Variants in CRTAC1 observed in about 807,000 individuals in gnomAD.
CRTAC1 encodes acidic secreted protein in cartilage.
A neutral mutation model predicts 67.8 loss-of-function variants in CRTAC1; 37 were observed. That is an observed-to-expected ratio of 0.55 (90% CI 0.42 to 0.72). CRTAC1 has a LOEUF of 0.72. CRTAC1 is among the 30% of genes least tolerant of loss of function. CRTAC1 has a pLI of 0.00. For missense variants in CRTAC1, 780 were observed against 931.6 expected, an observed-to-expected ratio of 0.84 and a Z score of 2.12; for synonymous variants, 348 against 371.0, an observed-to-expected ratio of 0.94 and a Z score of 0.71.
intron 14 of CRTAC1, among the ~76,000 whole-genome samples, chr10:97,878,959 C>T (rs2050177831): frequency 6.6e-6 from 1 of 152,218 alleles, no homozygotes; most frequent in Non-Finnish European, 1.5e-5. Context: ...AACCAAACCA[C>T]TGCTGGTGCC....
At chr10:97,900,706 C>T (rs959408807) in intron 8 of CRTAC1, among the ~76,000 whole-genome samples, 4 of 129,110 alleles carry the variant, frequency 3.1e-5, no homozygotes, top group Admixed American at 3.0e-4. Flanking sequence ...GACCCTGTAG[C>T]CCCTTTTCCT....
intron 13 of CRTAC1, 121 bp downstream of exon 13, chr10:97,882,665 C>T (rs976074035): frequency 3.0e-6 from 3 of 1,011,400 alleles, no homozygotes; most frequent in Non-Finnish European, 4.6e-6. Flanking sequence ...ACAAACAACA[C>T]CCTCCCCTGT....
chr10:98,013,734 T>C (rs1180247706), intron 1 of CRTAC1, among the ~76,000 whole-genome samples: 1 of 152,240 alleles, frequency 6.6e-6, no homozygotes, highest in Non-Finnish European at 1.5e-5. Context: ...AAGCTGCTTC[T>C]ATAAACTTCA....
chr10:97,865,007 T>A lies in CRTAC1; in HGVS notation c.*541A>T, dbSNP rs2050003500. On this transcript the variant is annotated 3_prime_UTR_variant, in exon 15 of 15. Transcript: ENST00000370597. ...AACCACAAACACCCAGAATCACGTGTTGACAAAGCCCAGTGAGAGGCACTT... is the reference window on the plus strand; with the variant it reads ...AACCACAAACACCCAGAATCACGTGATGACAAAGCCCAGTGAGAGGCACTT... 6.6e-6 allele frequency: 1 copy of A among 152,600 alleles called. No individual in the cohort carries two copies. Among genetic ancestry groups the A allele is most frequent in the African/African-American group, 2.4e-5 (1 of 41,454 alleles). The allele number at this position is 152,600 out of a possible 1,614,324, so 9.5% of individuals were successfully genotyped here.
intron 3 of CRTAC1, among the ~76,000 whole-genome samples, chr10:97,926,771 T>G (rs1303580357): frequency 6.6e-6 from 1 of 152,162 alleles, no homozygotes; most frequent in African/African-American, 2.4e-5. Flanking sequence ...GGTTCTGGAT[T>G]TCAGGGCTCT....
intron 8 of CRTAC1, among the ~76,000 whole-genome samples, chr10:97,898,477 G>A (rs1016685531): frequency 6.6e-6 from 1 of 152,226 alleles, no homozygotes; most frequent in African/African-American, 2.4e-5. Flanking sequence ...CAGCCTGAGG[G>A]TGAGGCCTGG....
At chr10:97,898,836 T>A (rs138838303) in intron 8 of CRTAC1, among the ~76,000 whole-genome samples, 6 of 152,322 alleles carry the variant, frequency 3.9e-5, no homozygotes, top group South Asian at 2.1e-4. Flanking sequence ...CACACCGCAG[T>A]TGGCCTAGGA....
At chr10:97,936,135 G>A in intron 3 of CRTAC1, 35 bp downstream of exon 3, 1 of 1,547,232 alleles carries the variant, frequency 6.5e-7, no homozygotes, top group Non-Finnish European at 8.8e-7. Context: ...GGGAGAAGAT[G>A]GGAAGCAGGA....
At chr10:97,993,449 A>G (rs558167585) in intron 2 of CRTAC1, among the ~76,000 whole-genome samples, 53 of 152,184 alleles carry the variant, frequency 3.5e-4, no homozygotes, top group African/African-American at 1.3e-3. Context: ...AGCAAATATG[A>G]CATTCTGCTC....
rs138313108 is a variant in CRTAC1, at chr10:97,904,670, C to T, written c.995G>A (p.Arg332Gln). The T allele has an allele frequency of 2.7e-5, 41 of 1,542,770 alleles. No individual in the cohort carries two copies. Among genetic ancestry groups the T allele is most frequent in the African/African-American group, 2.1e-4 (15 of 71,472 alleles). The part of the protein sequence containing the change: ...QMSTHGKVRF[R>Q]DIASPKFSMP... ...TCCTGGGGTGAGGCCCCTTCTTACCCGGAAGCGGACCTTCCCATGGGTGCT... is the reference window on the plus strand; with the variant it reads ...TCCTGGGGTGAGGCCCCTTCTTACCTGGAAGCGGACCTTCCCATGGGTGCT... The change falls in exon 7 of 15, where the codon CGG becomes CAG. Residue 332 changes from arginine to glutamine, a missense_variant and splice_region_variant. By Grantham distance (43) the Arg-to-Gln change is conservative. Transcript: ENST00000370597.
intron 11 of CRTAC1, among the ~76,000 whole-genome samples, chr10:97,890,158 C>G (rs1375281945): frequency 6.6e-6 from 1 of 151,976 alleles, no homozygotes; most frequent in Non-Finnish European, 1.5e-5. Flanking sequence ...ACTCTGTTAC[C>G]CAAGCTGGAG....
intron 2 of CRTAC1, among the ~76,000 whole-genome samples, chr10:97,996,541 C>A (rs1189791884): frequency 6.6e-6 from 1 of 152,122 alleles, no homozygotes; most frequent in Non-Finnish European, 1.5e-5. Flanking sequence ...GAGATACCAT[C>A]TCACACCAGT....
chr10:97,957,823 G>A (rs900235915), intron 2 of CRTAC1, among the ~76,000 whole-genome samples: 7 of 152,292 alleles, frequency 4.6e-5, no homozygotes, highest in Non-Finnish European at 7.4e-5. Flanking sequence ...AAGACACACC[G>A]AATGGGGAGT....
intron 4 of CRTAC1, among the ~76,000 whole-genome samples, 166 bp downstream of exon 4, chr10:97,923,098 A>C (rs1463556242): frequency 1.3e-5 from 2 of 152,158 alleles, no homozygotes; most frequent in Non-Finnish European, 2.9e-5. Flanking sequence ...AGGATGTGAA[A>C]GGTACATAGG....
At chr10:97,949,438 G>A (rs2051315829) in intron 2 of CRTAC1, among the ~76,000 whole-genome samples, 1 of 152,244 alleles carries the variant, frequency 6.6e-6, no homozygotes, top group African/African-American at 2.4e-5. Flanking sequence ...CTGTCTCAGG[G>A]AACCAAGCTG....
At chr10:97,897,332 G>T (rs1163381072) in intron 8 of CRTAC1, among the ~76,000 whole-genome samples, 1 of 152,182 alleles carries the variant, frequency 6.6e-6, no homozygotes, top group African/African-American at 2.4e-5. Context: ...GGGTTTCCTA[G>T]TTCTGGATGC....
At position 97,895,361 on chromosome 10, in the gene CRTAC1, A is replaced by G. The variant is rs1351196237; in HGVS notation, c.1370T>C (p.Phe457Ser). The G allele has an allele frequency of 6.2e-7, 1 of 1,613,444 alleles. No homozygotes were observed. The highest frequency in any genetic ancestry group is 1.7e-5 in the Admixed American group (1 of 59,922). ...RVVPRTRFGA[F>S]ARGAKVVLYT... is the part of the protein sequence containing the mutation. Reference sequence around the variant, plus strand: ...GAGCACGACCTTAGCTCCCCTGGCAAAGGCCCCAAACCGGGTGCGTGGCAC... The same window carrying G: ...GAGCACGACCTTAGCTCCCCTGGCAGAGGCCCCAAACCGGGTGCGTGGCAC... The change falls in exon 11 of 15, where the codon TTT (phenylalanine) becomes TCT (serine). Residue 457 changes from phenylalanine to serine, a missense_variant. Coordinates refer to ENST00000370597, the MANE Select transcript of CRTAC1 (RefSeq NM_018058.7). This position sits in a 1 kb window ranked among gnomAD's most constrained non-coding sequence, Gnocchi z 4.2.
chr10:97,940,677 C>G (rs966534918), intron 2 of CRTAC1, among the ~76,000 whole-genome samples: 26 of 152,348 alleles, frequency 1.7e-4, no homozygotes, highest in African/African-American at 5.8e-4. Flanking sequence ...GGTCCTGGCC[C>G]TGCCACCTCC....
At chr10:97,914,629 G>A (rs2136584254) in intron 5 of CRTAC1, among the ~76,000 whole-genome samples, 1 of 152,306 alleles carries the variant, frequency 6.6e-6, no homozygotes. Context: ...GCATGCCCAA[G>A]GTCACTGGGG....
Sources: allele counts gnomAD v4.1 joint callset (sites outside exome capture counted in the v4.1 genomes callset), GRCh38; gene constraint gnomAD v4.1.1; non-coding constraint Gnocchi (gnomAD v3.1); transcripts MANE v1.5; gene names NCBI Gene and HGNC (gene_info 2026-07-23, HGNC 2026-07-21).